The following PLEKHG5 variants were observed in gnomAD, a reference collection of about 807,000 sequenced individuals.
The protein encoded by PLEKHG5 is pleckstrin homology and RhoGEF domain containing G5.
PLEKHG5 carries 52 observed loss-of-function variants against 103.8 expected under a neutral mutation model. The observed-to-expected ratio is 0.50, with a 90% CI of 0.40 to 0.63. The LOEUF is 0.63. PLEKHG5 is among the 30% of genes least tolerant of loss of function. The probability of loss-of-function intolerance (pLI) is 0.00; values close to 1 mark genes in which losing one functional copy is unlikely to be tolerated. For missense variants in PLEKHG5, 1,205 were observed against 1,347.6 expected, an observed-to-expected ratio of 0.89 and a Z score of 1.66; for synonymous variants, 592 against 575.5, an observed-to-expected ratio of 1.03 and a Z score of -0.41.
At position 6,471,488 on chromosome 1, in the gene PLEKHG5, C is replaced by A. The variant is rs1404841354; in HGVS notation, c.1281G>T (p.Met427Ile). ...CGCCTGCGCCCGGCCCCGCCCGTAC[C>A]ATCTTGAAGCCTTTGAGGAAGTCCC... is the stretch of plus-strand genomic sequence containing the variant. ...QPGDFLKGFK[M>I]FGSLFKPYIR... Residue 427 changes from methionine to isoleucine, a missense_variant and splice_region_variant, in exon 12 of 21, where the codon ATG (methionine) becomes ATT (isoleucine). By Grantham distance (10) the Met-to-Ile change is conservative. Transcript: ENST00000377728. 1.9e-6 allele frequency: 3 copies of A among 1,610,212 alleles called. No individual in the cohort carries two copies.
rs543976770 is a variant in PLEKHG5 at position 6,473,028 on chromosome 1, C to T, written c.942G>A (p.Leu314=). ...DEDEDEDNAC[L]RLEDSWRELI... ...GCTCCCGCCAGCTGTCCTCCAGCCTCAGGCAGGCATTGTCCTCATCCTCGT... is the reference window on the plus strand; with the variant it reads ...GCTCCCGCCAGCTGTCCTCCAGCCTTAGGCAGGCATTGTCCTCATCCTCGT... Residue 314 remains leucine (L), a synonymous_variant, in exon 9 of 21, where the codon CTG becomes CTA. Coordinates refer to ENST00000377728, the MANE Select transcript of PLEKHG5 (RefSeq NM_020631.6). The T allele has an allele frequency of 1.2e-6, 2 of 1,614,122 alleles. No individual in the cohort carries two copies. The highest frequency in any genetic ancestry group is 4.5e-5 in the East Asian group (2 of 44,880).
chr1:6,512,025 G>A (rs1448418779), intron 1 of PLEKHG5, among the ~76,000 whole-genome samples: 1 of 152,194 alleles, frequency 6.6e-6, no homozygotes, highest in East Asian at 1.9e-4. Flanking sequence ...GGTGTCCTAT[G>A]TATTATACCA....
chr1:6,511,037 C>T (rs920313841), intron 1 of PLEKHG5, among the ~76,000 whole-genome samples: 1 of 151,792 alleles, frequency 6.6e-6, no homozygotes, highest in African/African-American at 2.4e-5. Flanking sequence ...TGTAGTGAGC[C>T]GAGATCGCGC....
At chr1:6,497,094 G>A (rs575328880), upstream of PLEKHG5, 28,588 of 1,477,432 alleles carry the variant, frequency 0.019, 355 homozygotes, top group South Asian at 0.029. This position sits in a 1 kb window ranked among gnomAD's most constrained non-coding sequence, Gnocchi z 6.1. Flanking sequence ...AGTGCACCGC[G>A]GTGGGGGCAG....
upstream of PLEKHG5, among the ~76,000 whole-genome samples, chr1:6,493,686 C>T (rs192422366): frequency 2.8e-4 from 43 of 152,192 alleles, no homozygotes; most frequent in Non-Finnish European, 4.4e-4. Context: ...GACAGAGTCT[C>T]GCTCTGTTGC....
intron 1 of PLEKHG5, among the ~76,000 whole-genome samples, chr1:6,507,167 A>G (rs1176451698): frequency 6.6e-6 from 1 of 152,126 alleles, no homozygotes; most frequent in African/African-American, 2.4e-5. Flanking sequence ...TCCTGTGGAG[A>G]GACCTCTGCC....
Position 6,490,663 on chromosome 1 carries a change from G to T in PLEKHG5, c.-88+974C>A, listed in dbSNP as rs974973576. 3.8e-5 allele frequency: 36 copies of T among 944,620 alleles called. No homozygotes were observed. The highest frequency in any genetic ancestry group is 4.5e-5 in the Non-Finnish European group (36 of 793,036). 58.5% of individuals were successfully genotyped at this position (944,620 alleles called of 1,614,324 possible). A position where few individuals can be genotyped will look rare whatever the true frequency, so the allele number is the denominator to read the frequency against. ...CCGGGATGTACCAACGGCGCCGCCC[G>T]GCTGGGACCGGGGAGAGGAGGGGTC... is the stretch of plus-strand genomic sequence containing the variant. On this transcript the variant is annotated intron_variant, in intron 1 of 20. Coordinates refer to ENST00000377728, the MANE Select transcript of PLEKHG5 (RefSeq NM_020631.6). This position sits in a 1 kb window ranked among gnomAD's most constrained non-coding sequence, Gnocchi z 8.0.
intron 1 of PLEKHG5, chr1:6,485,175 G>A (rs899022927): frequency 5.9e-6 from 3 of 504,888 alleles, no homozygotes; most frequent in Non-Finnish European, 6.2e-6. Context: ...CAGGTAGGGG[G>A]CTCGGCCGCC....
upstream of PLEKHG5, chr1:6,496,982 A>T: frequency 6.5e-7 from 1 of 1,528,710 alleles, no homozygotes; most frequent in Non-Finnish European, 8.7e-7. Context: ...CCCTTTAGAG[A>T]CAGAGGAGCC....
At chr1:6,503,478 G>A (rs565259161) in intron 1 of PLEKHG5, among the ~76,000 whole-genome samples, 9 of 149,674 alleles carry the variant, frequency 6.0e-5, no homozygotes, top group African/African-American at 1.2e-4. Context: ...GTATGATCTC[G>A]GCTCACTGAA....
At chr1:6,488,839 A>C (rs1645089681) in intron 1 of PLEKHG5, among the ~76,000 whole-genome samples, 1 of 152,010 alleles carries the variant, frequency 6.6e-6, no homozygotes, top group African/African-American at 2.4e-5. Context: ...GTTGAAACTG[A>C]TACCCAGAAA....
At chr1:6,504,015 G>T (rs1031395684) in intron 1 of PLEKHG5, among the ~76,000 whole-genome samples, 2 of 152,238 alleles carry the variant, frequency 1.3e-5, no homozygotes, top group African/African-American at 4.8e-5. Context: ...CTGCCAAGGG[G>T]AGCACAGTCT....
chr1:6,496,272 CCT>C (rs934203469), upstream of PLEKHG5, among the ~76,000 whole-genome samples: 6 of 152,236 alleles, frequency 3.9e-5, no homozygotes, highest in African/African-American at 1.4e-4. Flanking sequence ...ACTCCACCCC[CCT>C]GTTCTTGTAG....
upstream of PLEKHG5, chr1:6,496,850 A>C: frequency 1.5e-6 from 1 of 658,052 alleles, no homozygotes; most frequent in Non-Finnish European, 2.4e-6. Context: ...TCTGGGGGAC[A>C]AGTGGGGGAG....
At position 6,471,634 on chromosome 1, in the gene PLEKHG5, C is replaced by T; in HGVS notation, c.1135G>A (p.Glu379Lys). ...LQESGLLCEVEAERLFSNIPE... is the reference protein window; with the variant it reads ...LQESGLLCEVKAERLFSNIPE... The stretch of plus-strand genomic sequence containing the variant: ...ATGTTGCTGAACAGGCGCTCCGCCT[C>T]CACCTGGGCGCGGCGGGAGGTGCGG... The change falls in exon 12 of 21, where the codon GAG (glutamate) becomes AAG (lysine). Residue 379 changes from glutamate (E) to lysine (K), a missense_variant. Transcript: ENST00000377728. 1 of 1,586,612 alleles carries T rather than the reference C, an allele frequency of 6.3e-7. No homozygotes were observed. Among genetic ancestry groups the T allele is most frequent in the Non-Finnish European group, 8.6e-7 (1 of 1,167,146 alleles).
chr1:6,520,081 A>G (rs543649236), upstream of PLEKHG5: 6 of 181,900 alleles, frequency 3.3e-5, no homozygotes, highest in African/African-American at 1.4e-4. Context: ...AAACATTAGA[A>G]AAACCCAAGC....
chr1:6,481,164 G>A (rs1327773366), intron 1 of PLEKHG5, among the ~76,000 whole-genome samples: 1 of 152,170 alleles, frequency 6.6e-6, no homozygotes, highest in Non-Finnish European at 1.5e-5. Flanking sequence ...TGCAGCTAGA[G>A]TGGGCCCTGT....
chr1:6,486,541 C>T lies in PLEKHG5; in HGVS notation c.-88+5096G>A, dbSNP rs1645041777. 6.6e-6 allele frequency among the ~76,000 whole-genome samples: 1 copy of T among 152,234 alleles called. No homozygotes were observed. Among genetic ancestry groups the T allele is most frequent in the African/African-American group, 2.4e-5 (1 of 41,472 alleles). On this transcript the variant is annotated intron_variant, in intron 1 of 20. Transcript: ENST00000377728. This position sits in a 1 kb window ranked among gnomAD's most constrained non-coding sequence, Gnocchi z 5.3. ...GGCTGCTCTGAGAGGCTATCCTTGG[C>T]AGCCCCCAGGAGCTGGGTGAGGTGG...
upstream of PLEKHG5, among the ~76,000 whole-genome samples, chr1:6,491,912 ACT>A (rs1210170880): frequency 6.6e-5 from 10 of 151,490 alleles, no homozygotes; most frequent in Non-Finnish European, 1.5e-4. The surrounding 1 kb of genome is among the most constrained non-coding windows in gnomAD (Gnocchi z 4.1). Flanking sequence ...GCTGCTGGAA[ACT>A]CTTTCCTGTA....
Sources: allele counts gnomAD v4.1 joint callset (sites outside exome capture counted in the v4.1 genomes callset), GRCh38; gene constraint gnomAD v4.1.1; non-coding constraint Gnocchi (gnomAD v3.1); transcripts MANE v1.5; gene names NCBI Gene and HGNC (gene_info 2026-07-23, HGNC 2026-07-21).